Variants in IL20RB observed in about 807,000 individuals in gnomAD.
IL20RB encodes the protein interleukin 20 receptor subunit beta.
A neutral mutation model predicts 33.3 loss-of-function variants in IL20RB; 21 were observed. That is an observed-to-expected ratio of 0.63 (90% CI 0.45 to 0.91). The LOEUF is 0.91. IL20RB is among the 40% of genes least tolerant of loss of function. The pLI is 0.00. For missense variants in IL20RB, 345 were observed against 384.8 expected (o/e 0.90, Z 0.86); for synonymous variants, 147 against 146.8 (o/e 1.00, Z -0.01).
chr3:137,001,902 T>G (rs2107719462), intron 6 of IL20RB, among the ~76,000 whole-genome samples: 1 of 152,240 alleles, frequency 6.6e-6, no homozygotes, highest in South Asian at 2.1e-4. Context: ...CACTAGGTAT[T>G]TCTCCTAATG....
At chr3:136,981,452 G>C (rs894235048) in intron 2 of IL20RB, among the ~76,000 whole-genome samples, 1 of 152,138 alleles carries the variant, frequency 6.6e-6, no homozygotes, top group Admixed American at 6.6e-5. Context: ...ATTTTGGATA[G>C]TAATCAGTGC....
intron 5 of IL20RB, among the ~76,000 whole-genome samples, chr3:136,994,712 C>T (rs1205592408): frequency 1.3e-5 from 2 of 152,140 alleles, no homozygotes; most frequent in Non-Finnish European, 2.9e-5. Flanking sequence ...GCCTTTTCTG[C>T]TACAATTATT....
intron 4 of IL20RB, 71 bp downstream of exon 4, chr3:136,989,636 G>T: frequency 6.3e-7 from 1 of 1,578,710 alleles, no homozygotes; most frequent in Non-Finnish European, 8.7e-7. Context: ...GGTGAGCAAG[G>T]GAAGGCTGCC....
intron 6 of IL20RB, among the ~76,000 whole-genome samples, chr3:137,005,697 T>C (rs1942336733): frequency 6.6e-6 from 1 of 152,214 alleles, no homozygotes. Context: ...TACAGCACAC[T>C]GATGGGTCTT....
intron 1 of IL20RB, among the ~76,000 whole-genome samples, chr3:136,980,122 T>C (rs537210627): frequency 9.5e-4 from 144 of 152,330 alleles, no homozygotes; most frequent in African/African-American, 3.2e-3. Context: ...ATCCAGCACA[T>C]GGTCTAGATA....
intron 6 of IL20RB, among the ~76,000 whole-genome samples, chr3:136,997,071 G>A (rs562507098): frequency 2.4e-4 from 37 of 151,902 alleles, no homozygotes; most frequent in African/African-American, 8.9e-4. Flanking sequence ...ATGCCACCGA[G>A]TGTGGGCATA....
intron 6 of IL20RB, among the ~76,000 whole-genome samples, chr3:137,007,166 C>T (rs1283358312): frequency 2.6e-5 from 4 of 152,046 alleles, no homozygotes; most frequent in South Asian, 2.1e-4. Flanking sequence ...GAAGCTTTGT[C>T]GCAGAGGGGC....
Position 136,981,784 on chromosome 3 carries a change from A to G in IL20RB, c.216-376A>G, listed in dbSNP as rs193132140. Among the ~76,000 whole-genome samples, 1,470 of 152,344 alleles carry G rather than the reference A, an allele frequency of 9.6e-3. 17 individuals carry two copies. The highest frequency in any genetic ancestry group is 0.014 in the Non-Finnish European group (929 of 68,026). ...GTTTGGATCCCATTCTAAGTCCTGTAGGAAGCCATTAAGGAGAGAAACGTC... is the reference window on the plus strand; with the variant it reads ...GTTTGGATCCCATTCTAAGTCCTGTGGGAAGCCATTAAGGAGAGAAACGTC... On this transcript the variant is annotated intron_variant, in intron 2 of 6. Transcript: ENST00000329582.
intron 6 of IL20RB, among the ~76,000 whole-genome samples, chr3:136,998,535 A>G (rs1942180160): frequency 6.6e-6 from 1 of 151,700 alleles, no homozygotes; most frequent in South Asian, 2.1e-4. Context: ...AGTAATGTAG[A>G]TCTGCTAGTG....
At chr3:136,994,210 A>G (rs1039075540) in intron 5 of IL20RB, among the ~76,000 whole-genome samples, 2 of 152,194 alleles carry the variant, frequency 1.3e-5, no homozygotes, top group Non-Finnish European at 2.9e-5. Flanking sequence ...CTACTATTTG[A>G]TAGCACAATA....
rs114191581 is a variant in IL20RB at position 136,958,618 on chromosome 3, A to C, written c.88+417A>C. ...GAATAAAAAGACAATTTGTGAGCTT[A>C]ACATTGGATACGAGACTTATAAAAA... On this transcript the variant is annotated intron_variant, in intron 1 of 6. Coordinates refer to ENST00000329582, the MANE Select transcript of IL20RB (RefSeq NM_144717.4). Among the ~76,000 whole-genome samples, 1,468 of 152,344 alleles carry C rather than the reference A, an allele frequency of 9.6e-3. 35 individuals carry two copies. Among genetic ancestry groups the C allele is most frequent in the African/African-American group, 0.034 (1,402 of 41,564 alleles).
At chr3:136,967,252 G>T (rs1270692405) in intron 1 of IL20RB, among the ~76,000 whole-genome samples, 12 of 151,448 alleles carry the variant, frequency 7.9e-5, no homozygotes, top group Admixed American at 7.9e-4. Flanking sequence ...GGGTATCCTT[G>T]TTGACTTTCT....
In IL20RB at chr3:137,007,552, G is replaced by T. The variant is rs140992430; in HGVS notation, c.826-2561G>T. Among the ~76,000 whole-genome samples, 337 of 152,310 alleles carry T rather than the reference G, an allele frequency of 2.2e-3. 1 individual carries two copies. Among genetic ancestry groups the T allele is most frequent in the Non-Finnish European group, 2.7e-3 (186 of 68,026 alleles). On this transcript the variant is annotated intron_variant, in intron 6 of 6. Coordinates refer to ENST00000329582, the MANE Select transcript of IL20RB (RefSeq NM_144717.4). The stretch of plus-strand genomic sequence containing the variant: ...TCGCAGATTGATCTCAGACTGCTGC[G>T]CTAGCAGTGAGCAAGGCTCCATGGG...
intron 1 of IL20RB, among the ~76,000 whole-genome samples, chr3:136,975,581 C>T (rs910421021): frequency 2.6e-5 from 4 of 152,210 alleles, no homozygotes; most frequent in African/African-American, 7.2e-5. Context: ...TCATGATCCA[C>T]CTGCCTCTGC....
intron 1 of IL20RB, among the ~76,000 whole-genome samples, chr3:136,975,877 C>T (rs1203381587): frequency 6.6e-6 from 1 of 152,134 alleles, no homozygotes; most frequent in Non-Finnish European, 1.5e-5. Context: ...ATTGGGCCTC[C>T]ACATGGCTTG....
intron 6 of IL20RB, among the ~76,000 whole-genome samples, chr3:137,004,602 G>A (rs1305864430): frequency 1.3e-5 from 2 of 152,022 alleles, no homozygotes; most frequent in East Asian, 1.9e-4. Context: ...CTGTGGGATC[G>A]GTGGTGATAT....
chr3:136,973,971 G>A (rs910517513), intron 1 of IL20RB, among the ~76,000 whole-genome samples: 4 of 151,916 alleles, frequency 2.6e-5, no homozygotes, highest in Non-Finnish European at 5.9e-5. Context: ...GGTGAATTTC[G>A]TGTAAGCAGC....
chr3:136,959,591 A>G (rs1422231970), intron 1 of IL20RB: 1 of 152,264 alleles, frequency 6.6e-6, no homozygotes, highest in Non-Finnish European at 1.5e-5. Context: ...AGAAGAGGAA[A>G]GCCCAGCATT....
chr3:136,960,490 C>T (rs561552113), intron 1 of IL20RB, among the ~76,000 whole-genome samples: 2 of 152,270 alleles, frequency 1.3e-5, no homozygotes, highest in South Asian at 4.1e-4. Context: ...CTGTCCCTCC[C>T]AAATAATAGT....
Sources: allele counts gnomAD v4.1 joint callset (sites outside exome capture counted in the v4.1 genomes callset), GRCh38; gene constraint gnomAD v4.1.1; transcripts MANE v1.5; gene names NCBI Gene and HGNC (gene_info 2026-07-23, HGNC 2026-07-21).